NFRKB: variants seen among roughly 807,000 people sequenced by gnomAD.
NFRKB encodes nuclear factor related to kappa-B-binding protein.
Under a neutral mutation model 135.7 loss-of-function variants are expected in NFRKB, and 62 were observed. That is an observed-to-expected ratio of 0.46 (90% CI 0.37 to 0.56). The LOEUF (loss-of-function observed/expected upper bound fraction) is 0.56, where lower values mean the gene tolerates loss of function less well. Among genes scored for constraint, NFRKB ranks in the 20% least tolerant of loss-of-function variants. The pLI is 0.00. For missense variants in NFRKB, 1,545 were observed against 1,662.0 expected, an observed-to-expected ratio of 0.93 and a Z score of 1.22; for synonymous variants, 678 against 635.6, an observed-to-expected ratio of 1.07 and a Z score of -1.00.
chr11:129,873,639 T>C (rs774813144), intron 22 of NFRKB, 106 bp downstream of exon 22: 7 of 1,448,640 alleles, frequency 4.8e-6, no homozygotes, highest in Non-Finnish European at 6.6e-6. Context: ...CCAGTAGCAA[T>C]AATCTATGGC....
At chr11:129,891,392 G>C (rs1213939985) in intron 3 of NFRKB, among the ~76,000 whole-genome samples, 1 of 152,202 alleles carries the variant, frequency 6.6e-6, no homozygotes, top group Non-Finnish European at 1.5e-5. Flanking sequence ...CAGAAAAACA[G>C]CCATAGTTTA....
chr11:129,867,725 A>AGGCTTC (rs1948271620), intron 24 of NFRKB, among the ~76,000 whole-genome samples: 1 of 152,168 alleles, frequency 6.6e-6, no homozygotes, highest in African/African-American at 2.4e-5. Context: ...CAATTTATGA[A>AGGCTTC]GGCTTCCCTA....
At chr11:129,885,828 T>G (rs953247661) in intron 5 of NFRKB, among the ~76,000 whole-genome samples, 1 of 152,236 alleles carries the variant, frequency 6.6e-6, no homozygotes. Context: ...CTACTAGGAA[T>G]GAATACTTTT....
intron 16 of NFRKB, among the ~76,000 whole-genome samples, 193 bp from the exon 17 acceptor site, chr11:129,877,088 G>A (rs1948801206): frequency 6.6e-6 from 1 of 152,158 alleles, no homozygotes; most frequent in African/African-American, 2.4e-5. Flanking sequence ...ACTGAGCAGA[G>A]GGACAAGGAG....
intron 18 of NFRKB, among the ~76,000 whole-genome samples, 182 bp downstream of exon 18, chr11:129,875,175 A>G (rs1412530581): frequency 6.6e-6 from 1 of 152,236 alleles, no homozygotes; most frequent in Non-Finnish European, 1.5e-5. Context: ...CATAAGCTAA[A>G]AGAAAGCCTA....
intron 13 of NFRKB, 139 bp downstream of exon 13, chr11:129,881,303 CT>C: frequency 2.6e-6 from 2 of 772,656 alleles, no homozygotes; most frequent in South Asian, 3.4e-5. Flanking sequence ...TGTTGAAGGA[CT>C]CCTTCACAGA....
chr11:129,885,844 C>G (rs780762430), intron 5 of NFRKB, among the ~76,000 whole-genome samples: 1 of 152,202 alleles, frequency 6.6e-6, no homozygotes, highest in Non-Finnish European at 1.5e-5. Context: ...CTTTTTTATA[C>G]TAGACATTCA....
intron 8 of NFRKB, among the ~76,000 whole-genome samples, 166 bp from the exon 9 acceptor site, chr11:129,883,372 CCATTTA>C (rs1177738797): frequency 6.6e-6 from 1 of 152,154 alleles, no homozygotes. Context: ...TATCATATCC[CCATTTA>C]ATTAACTTGA....
intron 15 of NFRKB, 113 bp from the exon 16 acceptor site, chr11:129,877,498 C>G: frequency 1.0e-6 from 1 of 988,440 alleles, no homozygotes. Context: ...CCTCAAGAAG[C>G]ACTCAATTCT....
Position 129,877,318 on chromosome 11 carries a change from T to G in NFRKB, c.1572+7A>C. ...GCAGAGACTTACACTGGCTTTTAGG[T>G]TCTTACCTGCTCCTGAAAAACCCGT... On this transcript the variant is annotated splice_region_variant and intron_variant, in intron 16 of 26. Coordinates refer to ENST00000682444, the MANE Select transcript of NFRKB (RefSeq NM_001143835.2). 1 of 1,614,006 alleles carries G rather than the reference T, an allele frequency of 6.2e-7. No homozygotes were observed. Among genetic ancestry groups the G allele is most frequent in the Non-Finnish European group, 8.5e-7 (1 of 1,179,916 alleles).
In NFRKB at chr11:129,894,373, A is replaced by C. The variant is rs1174326728; in HGVS notation, c.-36T>G. On this transcript the variant is annotated 5_prime_UTR_variant, in exon 2 of 27. Transcript: ENST00000682444. ...ACAAATCTTACCACGCCAGGTGTCA[A>C]TTTCCTTATTTGAGGAAGGGAAGCT... The C allele has an allele frequency of 6.6e-6, 1 of 152,238 alleles. No individual in the cohort carries two copies. The highest frequency in any genetic ancestry group is 1.5e-5 in the Non-Finnish European group (1 of 68,052). The allele number at this position is 152,238 out of a possible 1,614,324, so 9.4% of individuals were successfully genotyped here. A position where few individuals can be genotyped will look rare whatever the true frequency, so the allele number is the denominator to read the frequency against.
Position 129,864,789 on chromosome 11 carries a change from T to C in NFRKB, c.3836A>G (p.Lys1279Arg), listed in dbSNP as rs752902278. 8.1e-6 allele frequency: 13 copies of C among 1,614,086 alleles called. No homozygotes were observed. The highest frequency in any genetic ancestry group is 5.5e-5 in the South Asian group (5 of 91,088). ...AGTCACAACAACAGTGGAGACTGCTTTGGAGGAGCCAGAAGCTGTTCCCTG... is the reference window on the plus strand; with the variant it reads ...AGTCACAACAACAGTGGAGACTGCTCTGGAGGAGCCAGAAGCTGTTCCCTG... ...LQQGTASGSSKAVSTVVVTTA... is the reference protein window; with the variant it reads ...LQQGTASGSSRAVSTVVVTTA... Residue 1279 changes from lysine to arginine, a missense_variant, in exon 27 of 27, where the codon AAA becomes AGA. By Grantham distance (26) the Lys-to-Arg change is conservative (BLOSUM62 2). This residue lies in a region of NFRKB where 753 missense variants were observed against 804.3 expected (regional missense o/e 0.94). Transcript: ENST00000682444.
intron 22 of NFRKB, among the ~76,000 whole-genome samples, chr11:129,873,413 T>C (rs1241391041): frequency 1.3e-5 from 2 of 152,190 alleles, no homozygotes; most frequent in Non-Finnish European, 2.9e-5. Context: ...AACTAGTTCA[T>C]GGCGTAGCTA....
At chr11:129,879,237 T>C (rs999644566) in intron 13 of NFRKB, among the ~76,000 whole-genome samples, 8 of 152,220 alleles carry the variant, frequency 5.3e-5, no homozygotes, top group African/African-American at 9.6e-5. Context: ...TTTGTTTTCA[T>C]GGTCAATACA....
At position 129,884,085 on chromosome 11, in the gene NFRKB, C is replaced by T. The variant is rs1360747759; in HGVS notation, c.801G>A (p.Lys267=). 2.5e-6 allele frequency: 4 copies of T among 1,614,098 alleles called. No individual in the cohort carries two copies. In the South Asian group the frequency reaches 4.4e-5, roughly 18 times the overall value. ...CCCATCTTACTGGCTGATGTTTCCGCTTCTCGTGGTGCTTCTTTAACATTA... is the reference window on the plus strand; with the variant it reads ...CCCATCTTACTGGCTGATGTTTCCGTTTCTCGTGGTGCTTCTTTAACATTA... The part of the protein sequence containing the change: ...LKIMLKKHHE[K]RKHQPDHPDL... The change falls in exon 8 of 27, where the codon AAG becomes AAA. Residue 267 remains lysine, a synonymous_variant. Coordinates refer to ENST00000682444, the MANE Select transcript of NFRKB (RefSeq NM_001143835.2).
intron 23 of NFRKB, among the ~76,000 whole-genome samples, chr11:129,872,101 G>A (rs1591484576): frequency 6.6e-6 from 1 of 152,100 alleles, no homozygotes; most frequent in African/African-American, 2.4e-5. Context: ...CCCCAGAGAG[G>A]CCTTCTCCAA....
intron 18 of NFRKB, 138 bp from the exon 19 acceptor site, chr11:129,875,054 A>G (rs1218562701): frequency 1.2e-5 from 13 of 1,082,504 alleles, no homozygotes; most frequent in Non-Finnish European, 1.7e-5. Flanking sequence ...CGTATTCCCA[A>G]TAGTTCCCCA....
At chr11:129,885,032 G>C (rs1275543770) in intron 6 of NFRKB, 186 bp from the exon 7 acceptor site, 3 of 802,314 alleles carry the variant, frequency 3.7e-6, no homozygotes, top group Admixed American at 2.7e-5. Flanking sequence ...GCTCTTCCAG[G>C]AAGAGAGACT....
intron 1 of NFRKB, among the ~76,000 whole-genome samples, chr11:129,895,051 G>A (rs1259167444): frequency 6.6e-6 from 1 of 152,196 alleles, no homozygotes; most frequent in Non-Finnish European, 1.5e-5. Context: ...TTGGACCCCG[G>A]AAGCCAAGGA....
Sources: gnomAD v4.1 joint callset for allele counts (sites outside exome capture counted in the v4.1 genomes callset) on GRCh38, gnomAD v4.1.1 for gene constraint, gnomAD v4.1.1 regional missense constraint, MANE v1.5 for transcripts, NCBI Gene and HGNC (gene_info 2026-07-23, HGNC 2026-07-21) for gene names.